SLAIN1: variants seen among roughly 807,000 people sequenced by gnomAD.
SLAIN1 encodes the protein SLAIN family member 1.
SLAIN1 carries 17 observed loss-of-function variants against 55.4 expected under a neutral mutation model. The observed-to-expected ratio is 0.31, with a 90% CI of 0.21 to 0.46. SLAIN1 has a LOEUF of 0.46. Among genes scored for constraint, SLAIN1 ranks in the 20% least tolerant of loss-of-function variants. The pLI, the probability that SLAIN1 is intolerant of heterozygous loss-of-function variation, is 1.00. For synonymous variants in SLAIN1, 348 were observed against 337.4 expected, an observed-to-expected ratio of 1.03 and a Z score of -0.35; for missense variants, 682 against 785.1, an observed-to-expected ratio of 0.87 and a Z score of 1.57.
intron 2 of SLAIN1, among the ~76,000 whole-genome samples, chr13:77,722,935 A>G (rs1044220626): frequency 6.6e-6 from 1 of 152,062 alleles, no homozygotes; most frequent in Non-Finnish European, 1.5e-5. Flanking sequence ...TTTAATAGAG[A>G]TGTGGTTTCA....
chr13:77,747,286 T>TA (rs1227350613), intron 4 of SLAIN1, among the ~76,000 whole-genome samples: 2 of 152,014 alleles, frequency 1.3e-5, no homozygotes, highest in Non-Finnish European at 2.9e-5. Flanking sequence ...TTTCTCAGAT[T>TA]AAAAATCATC....
At chr13:77,727,589 T>C (rs527799288) in intron 2 of SLAIN1, among the ~76,000 whole-genome samples, 1 of 152,082 alleles carries the variant, frequency 6.6e-6, no homozygotes, top group Non-Finnish European at 1.5e-5. Context: ...GGTTTCAGTC[T>C]GTTTTGTTCA....
At chr13:77,710,420 CA>C (rs1366216112) in intron 1 of SLAIN1, among the ~76,000 whole-genome samples, 1 of 151,336 alleles carries the variant, frequency 6.6e-6, no homozygotes, top group East Asian at 1.9e-4. Flanking sequence ...AAAAACAAAA[CA>C]AAAAAACATG....
At chr13:77,736,169 A>G (rs1040510638) in intron 2 of SLAIN1, among the ~76,000 whole-genome samples, 14 of 152,048 alleles carry the variant, frequency 9.2e-5, no homozygotes, top group Non-Finnish European at 1.5e-4. Flanking sequence ...CCTTGTTTCC[A>G]GTAGTGGCCA....
chr13:77,748,818 G>T (rs1057131338), intron 4 of SLAIN1, among the ~76,000 whole-genome samples: 2 of 152,030 alleles, frequency 1.3e-5, no homozygotes, highest in Non-Finnish European at 2.9e-5. Context: ...TCTAAGGTTC[G>T]GTTTCCCTAA....
chr13:77,706,375 G>A (rs1351508046), intron 1 of SLAIN1, among the ~76,000 whole-genome samples: 1 of 152,052 alleles, frequency 6.6e-6, no homozygotes, highest in Admixed American at 6.6e-5. Context: ...CCAAGAGTTA[G>A]TAATGGCACT....
Position 77,697,931 on chromosome 13 carries a change from G to T in SLAIN1, c.18G>T (p.Val6=). The T allele has an allele frequency of 7.0e-7, 1 of 1,420,092 alleles. No homozygotes were observed. 88.0% of individuals were successfully genotyped at this position (1,420,092 alleles called of 1,614,324 possible). MMAEQ[V]KCASAGVSSG... ...GGCCCACGATGATGGCGGAGCAGGT[G>T]AAATGCGCCTCGGCAGGGGTCAGCT... Residue 6 remains valine (V), a synonymous_variant, in exon 1 of 7, where the codon GTG becomes GTT. Coordinates refer to ENST00000418532, the MANE Select transcript of SLAIN1 (RefSeq NM_001242868.2).
In SLAIN1 at chr13:77,719,671, G is replaced by A; in HGVS notation, c.766G>A (p.Gly256Ser). ...RRSLCFRLEQ[G>S]YTSRGSPLSP... The stretch of plus-strand genomic sequence containing the variant: ...TTCCCTGTGCTTTAGACTGGAGCAA[G>A]GTAATTGTGAGTGTGTGCATTTACA... Residue 256 changes from glycine (G) to serine (S), a missense_variant and splice_region_variant, in exon 2 of 7, where the codon GGT (glycine) becomes AGT (serine). Gly to Ser is a moderately conservative substitution (Grantham distance 56, BLOSUM62 0). Coordinates refer to ENST00000418532, the MANE Select transcript of SLAIN1 (RefSeq NM_001242868.2). 1 of 1,612,832 alleles carries A rather than the reference G, an allele frequency of 6.2e-7. No homozygotes were observed. The highest frequency in any genetic ancestry group is 1.3e-5 in the African/African-American group (1 of 74,940).
chr13:77,706,391 T>C (rs1248164478), intron 1 of SLAIN1, among the ~76,000 whole-genome samples: 1 of 152,164 alleles, frequency 6.6e-6, no homozygotes, highest in Non-Finnish European at 1.5e-5. Context: ...GCACTTCTTC[T>C]CTCCTCTTCA....
At position 77,698,553 on chromosome 13, in the gene SLAIN1, C is replaced by A. The variant is rs1452377378; in HGVS notation, c.626+14C>A. 9.2e-6 allele frequency: 13 copies of A among 1,410,194 alleles called. No homozygotes were observed. The highest frequency in any genetic ancestry group is 1.1e-5 in the Non-Finnish European group (12 of 1,091,878). The allele number at this position is 1,410,194 out of a possible 1,614,324, so 87.4% of individuals were successfully genotyped here. A position where few individuals can be genotyped will look rare whatever the true frequency, so the allele number is the denominator to read the frequency against. On this transcript the variant is annotated intron_variant, in intron 1 of 6. Transcript: ENST00000418532. This position sits in a 1 kb window ranked among gnomAD's most constrained non-coding sequence, Gnocchi z 4.1. ...CGACTACACCTGGTACTGCCTGGCT[C>A]CGCTCCTTCCCCGAGACCCTGGCCT...
At chr13:77,763,065 G>T in intron 6 of SLAIN1, 80 bp from the exon 7 acceptor site, 2 of 1,180,750 alleles carry the variant, frequency 1.7e-6, no homozygotes. Flanking sequence ...GAACATAGAT[G>T]GGAGAGTAGG....
Position 77,697,911 on chromosome 13 carries a change from A to C in SLAIN1, c.-3A>C. On this transcript the variant is annotated 5_prime_UTR_variant, in exon 1 of 7. Transcript: ENST00000418532. The stretch of plus-strand genomic sequence containing the variant: ...GGCGGCCGCGGCGCCCTCGGGGCCC[A>C]CGATGATGGCGGAGCAGGTGAAATG... 7.2e-7 allele frequency: 1 copy of C among 1,385,356 alleles called. No homozygotes were observed. Among genetic ancestry groups the C allele is most frequent in the Non-Finnish European group, 9.4e-7 (1 of 1,059,184 alleles). 85.8% of individuals were successfully genotyped at this position (1,385,356 alleles called of 1,614,324 possible).
chr13:77,734,955 G>A (rs1211786967), intron 2 of SLAIN1, among the ~76,000 whole-genome samples: 1 of 152,078 alleles, frequency 6.6e-6, no homozygotes, highest in Non-Finnish European at 1.5e-5. Context: ...GGGAGGTGGA[G>A]GTTTCAGTGA....
Position 77,763,340 on chromosome 13 carries a change from A to G in SLAIN1, c.*120A>G. The G allele has an allele frequency of 1.3e-6, 1 of 742,726 alleles. No individual in the cohort carries two copies. The highest frequency in any genetic ancestry group is 2.3e-6 in the Non-Finnish European group (1 of 443,682). 46.0% of individuals were successfully genotyped at this position (742,726 alleles called of 1,614,324 possible). A position where few individuals can be genotyped will look rare whatever the true frequency, so the allele number is the denominator to read the frequency against. The stretch of plus-strand genomic sequence containing the variant: ...TTCCCTTTTGTGTTTTAATATATTT[A>G]CTGCATTGTTTCTCAATGGACCAGT... On this transcript the variant is annotated 3_prime_UTR_variant, in exon 7 of 7. Transcript: ENST00000418532.
chr13:77,746,891 T>G (rs1351327690), intron 4 of SLAIN1, 36 bp downstream of exon 4: 1 of 1,508,342 alleles, frequency 6.6e-7, no homozygotes, highest in East Asian at 2.3e-5. Flanking sequence ...TGATATGCTT[T>G]AATTTTTTTA....
At chr13:77,752,998 A>T (rs1286858055) in intron 4 of SLAIN1, among the ~76,000 whole-genome samples, 1 of 152,146 alleles carries the variant, frequency 6.6e-6, no homozygotes, top group Non-Finnish European at 1.5e-5. Context: ...ACTCAATATT[A>T]ACCATCACAC....
intron 4 of SLAIN1, among the ~76,000 whole-genome samples, chr13:77,749,752 T>C (rs929011240): frequency 5.3e-5 from 8 of 152,198 alleles, no homozygotes; most frequent in African/African-American, 1.9e-4. Flanking sequence ...ACAGGAAATG[T>C]ACCTCATTTC....
chr13:77,749,984 T>C (rs1420810250), intron 4 of SLAIN1, among the ~76,000 whole-genome samples: 2 of 152,208 alleles, frequency 1.3e-5, no homozygotes, highest in Non-Finnish European at 2.9e-5. Flanking sequence ...GATCGTGGTT[T>C]AGAGGAAAAA....
chr13:77,714,252 G>T (rs2091184117), intron 1 of SLAIN1, among the ~76,000 whole-genome samples: 1 of 152,160 alleles, frequency 6.6e-6, no homozygotes, highest in South Asian at 2.1e-4. Flanking sequence ...GCTCATTTCT[G>T]TCAGGGCTGT....
Sources: gnomAD v4.1 joint callset for allele counts (sites outside exome capture counted in the v4.1 genomes callset) on GRCh38, gnomAD v4.1.1 for gene constraint, Gnocchi (gnomAD v3.1) non-coding constraint, MANE v1.5 for transcripts, NCBI Gene and HGNC (gene_info 2026-07-23, HGNC 2026-07-21) for gene names.